MEFV: variants seen among roughly 807,000 people sequenced by gnomAD.
The protein encoded by MEFV is MEFV innate immunity regulator, pyrin, also known as pyrin.
Under a neutral mutation model 62.5 loss-of-function variants are expected in MEFV, and 60 were observed. The observed-to-expected ratio is 0.96, with a 90% CI of 0.78 to 1.19. The LOEUF (loss-of-function observed/expected upper bound fraction) is 1.19, where lower values mean the gene tolerates loss of function less well. Among genes scored for constraint, MEFV ranks in the 50% most tolerant of loss-of-function variants. The pLI is 0.00. For synonymous variants in MEFV, 500 were observed against 415.2 expected, an observed-to-expected ratio of 1.20 and a Z score of -2.48; for missense variants, 1,169 against 1,004.5, an observed-to-expected ratio of 1.16 and a Z score of -2.21.
At chr16:3,250,651 G>A (rs1959017732) in intron 2 of MEFV, among the ~76,000 whole-genome samples, 2 of 151,746 alleles carry the variant, frequency 1.3e-5, no homozygotes, top group South Asian at 4.2e-4. Flanking sequence ...TCATCATGAA[G>A]ACCTAACAGT....
intron 1 of MEFV, 125 bp from the exon 2 acceptor site, chr16:3,254,915 G>T: frequency 6.7e-7 from 1 of 1,496,240 alleles, no homozygotes; most frequent in African/African-American, 1.4e-5. Context: ...AACGGGCCGG[G>T]CGCGGTGGCT....
rs1385635153 is a variant in MEFV, at chr16:3,248,830, C to G, written c.1356+79G>C. ...ATCCCTGCTGCCCTGTGAACCACAG[C>G]AGAATCTCGGGGACCCCTGCTCACT... On this transcript the variant is annotated intron_variant, in intron 4 of 9. Transcript: ENST00000219596. The G allele has an allele frequency of 3.1e-6, 5 of 1,608,304 alleles. No homozygotes were observed. In the African/African-American group the frequency reaches 6.7e-5, roughly 21 times the overall value.
intron 1 of MEFV, among the ~76,000 whole-genome samples, chr16:3,255,359 C>A (rs1959101761): frequency 6.6e-6 from 1 of 152,092 alleles, no homozygotes; most frequent in Non-Finnish European, 1.5e-5. Context: ...CAATGGCAGT[C>A]AATTACCATT....
chr16:3,243,406 A>T lies in MEFV; in HGVS notation c.2081T>A (p.Met694Lys), dbSNP rs1596350022. The change falls in exon 10 of 10, where the codon ATG becomes AAG. Residue 694 changes from methionine (M) to lysine (K), a missense_variant. Transcript: ENST00000219596. ...GGACGCCTGGTACTCATTTTCCTTCATCATTATCACCACCCAGTAGCCATT... is the reference window on the plus strand; with the variant it reads ...GGACGCCTGGTACTCATTTTCCTTCTTCATTATCACCACCCAGTAGCCATT... Reference protein sequence around the residue: ...PENGYWVVIMMKENEYQASSV... With the variant: ...PENGYWVVIMKKENEYQASSV... 6.2e-7 allele frequency: 1 copy of T among 1,614,022 alleles called. No homozygotes were observed. The highest frequency in any genetic ancestry group is 8.5e-7 in the Non-Finnish European group (1 of 1,179,984).
At chr16:3,244,395 A>G (rs1408112900) in intron 7 of MEFV, 78 bp downstream of exon 7, 1 of 1,595,524 alleles carries the variant, frequency 6.3e-7, no homozygotes, top group Non-Finnish European at 8.6e-7. Flanking sequence ...AAGAGGAGGG[A>G]AGTGAGGGGC....
chr16:3,243,065 T>G lies in MEFV; in HGVS notation c.*76A>C. ...ATTTCCCATAGCAGCTAGCACCTAG[T>G]CGGCATTCCGTGACTATTGAGTGTG... On this transcript the variant is annotated 3_prime_UTR_variant, in exon 10 of 10. Transcript: ENST00000219596. 1 of 1,513,338 alleles carries G rather than the reference T, an allele frequency of 6.6e-7. No individual in the cohort carries two copies. The allele number at this position is 1,513,338 out of a possible 1,614,324, so 93.7% of individuals were successfully genotyped here.
intron 4 of MEFV, chr16:3,247,526 C>T (rs1958961251): frequency 2.1e-6 from 1 of 479,106 alleles, no homozygotes; most frequent in Non-Finnish European, 3.7e-6. Context: ...ACCCCCAGTA[C>T]TCAGCATGTG....
chr16:3,249,408 G>C, intron 3 of MEFV, 23 bp downstream of exon 3: 3 of 1,600,298 alleles, frequency 1.9e-6, no homozygotes, highest in Non-Finnish European at 8.5e-7. Context: ...GCAGAGAAGA[G>C]CCCACAGGCA....
chr16:3,248,255 T>C (rs931861391), intron 4 of MEFV, among the ~76,000 whole-genome samples: 7 of 151,132 alleles, frequency 4.6e-5, no homozygotes, highest in Non-Finnish European at 1.0e-4. Flanking sequence ...CGAGACTCCA[T>C]CTTGGAAACA....
rs763214197 is a variant in MEFV, at chr16:3,254,570, C to G, written c.498G>C (p.Ser166=). 1 of 1,574,788 alleles carries G rather than the reference C, an allele frequency of 6.4e-7. No homozygotes were observed. The highest frequency in any genetic ancestry group is 8.6e-7 in the Non-Finnish European group (1 of 1,164,072). The part of the protein sequence containing the change: ...KPLSKRREKA[S]EGLDAQGKPR... ...GCTTGCCCTGCGCGTCCAGGCCCTCCGAGGCCTTCTCTCTGCGTTTGCTCA... is the reference window on the plus strand; with the variant it reads ...GCTTGCCCTGCGCGTCCAGGCCCTCGGAGGCCTTCTCTCTGCGTTTGCTCA... Residue 166 remains serine (S), a synonymous_variant, in exon 2 of 10, where the codon TCG becomes TCC. Transcript: ENST00000219596.
intron 9 of MEFV, 50 bp downstream of exon 9, chr16:3,243,810 G>A: frequency 6.2e-7 from 1 of 1,608,852 alleles, no homozygotes; most frequent in Non-Finnish European, 8.5e-7. Context: ...GTAGGGGAGA[G>A]CACAGGGATC....
Position 3,247,144 on chromosome 16 carries a change from C to G in MEFV, c.1459G>C (p.Val487Leu), listed in dbSNP as rs104895100. The G allele has an allele frequency of 4.1e-4, 658 of 1,614,190 alleles. 3 individuals carry two copies. The African/African-American group carries it at 7.6e-3, about 19-fold the overall frequency. The change falls in exon 5 of 10, where the codon GTG becomes CTG. Residue 487 changes from valine (V) to leucine (L), a missense_variant. Physicochemically the swap from Val to Leu is conservative, Grantham distance 32. Coordinates refer to ENST00000219596, the MANE Select transcript of MEFV (RefSeq NM_000243.3). ...CTGATCTGCCCAACCATCTGGCCCACGTCCTCCAGTGAGGCCACAAAGAAA... is the reference window on the plus strand; with the variant it reads ...CTGATCTGCCCAACCATCTGGCCCAGGTCCTCCAGTGAGGCCACAAAGAAA... ...EHFFVASLED[V>L]GQMVGQIRKA...
chr16:3,249,695 G>A lies in MEFV; in HGVS notation c.996C>T (p.Cys332=), dbSNP rs1354407289. The A allele has an allele frequency of 1.2e-6, 2 of 1,613,562 alleles. No individual in the cohort carries two copies. The highest frequency in any genetic ancestry group is 1.1e-5 in the South Asian group (1 of 91,046). ...GCCCAGAAACTGCCTCGGGGAAGCT[G>A]CAGGAATCACGCACACAGGTACCGT... The part of the protein sequence containing the change: ...PVDGTCVRDS[C]SFPEAVSGHP... Residue 332 remains cysteine (C), a synonymous_variant, in exon 3 of 10, where the codon TGC becomes TGT. Coordinates refer to ENST00000219596, the MANE Select transcript of MEFV (RefSeq NM_000243.3).
intron 2 of MEFV, among the ~76,000 whole-genome samples, chr16:3,250,719 G>C (rs1959018560): frequency 6.6e-6 from 1 of 151,152 alleles, no homozygotes; most frequent in Admixed American, 6.6e-5. Flanking sequence ...CATGCCACGA[G>C]ATACAAGAAG....
At chr16:3,245,588 C>T (rs575852430) in intron 6 of MEFV, among the ~76,000 whole-genome samples, 23 of 151,568 alleles carry the variant, frequency 1.5e-4, no homozygotes, top group African/African-American at 5.6e-4. Context: ...GAGCCAAGAT[C>T]GCGCCACTGC....
intron 8 of MEFV, 178 bp downstream of exon 8, chr16:3,244,076 T>G: frequency 6.4e-7 from 1 of 1,551,342 alleles, no homozygotes; most frequent in Non-Finnish European, 8.7e-7. Context: ...GTCTAATGAG[T>G]CAACTCAGTC....
Position 3,249,587 on chromosome 16 carries a change from G to T in MEFV, c.1104C>A (p.Ser368Arg), listed in dbSNP as rs748777584. ...GCTTACACTGTGGCAGGGGCTGGGG[G>T]CTTAGGCTTCCCGGGCTCTTCCTTT... ...SHERKSPGSL[S>R]PQPLPQCKRH... The change falls in exon 3 of 10, where the codon AGC becomes AGA. Residue 368 changes from serine to arginine, a missense_variant. By Grantham distance (110) the Ser-to-Arg change is moderately radical (BLOSUM62 -1). Coordinates refer to ENST00000219596, the MANE Select transcript of MEFV (RefSeq NM_000243.3). 6.8e-6 allele frequency: 11 copies of T among 1,614,096 alleles called. No homozygotes were observed. The highest frequency in any genetic ancestry group is 1.3e-5 in the African/African-American group (1 of 74,948).
Position 3,244,245 on chromosome 16 carries a change from T to G in MEFV, c.1759+9A>C. On this transcript the variant is annotated intron_variant, in intron 8 of 9. Coordinates refer to ENST00000219596, the MANE Select transcript of MEFV (RefSeq NM_000243.3). ...CCAGGCCAGCACACACCATTACCGC[T>G]GGACTCACCATTGAACATTTCCATT... 1 of 1,614,006 alleles carries G rather than the reference T, an allele frequency of 6.2e-7. No homozygotes were observed. Among genetic ancestry groups the G allele is most frequent in the Non-Finnish European group, 8.5e-7 (1 of 1,179,984 alleles).
intron 1 of MEFV, 150 bp from the exon 2 acceptor site, chr16:3,254,940 C>T (rs1224718611): frequency 8.3e-6 from 11 of 1,328,538 alleles, no homozygotes; most frequent in African/African-American, 1.5e-5. Flanking sequence ...CCTGTATTCC[C>T]GGCACTCTGG....
Sources: gnomAD v4.1 joint callset for allele counts (sites outside exome capture counted in the v4.1 genomes callset) on GRCh38, gnomAD v4.1.1 for gene constraint, MANE v1.5 for transcripts, NCBI Gene and HGNC (gene_info 2026-07-23, HGNC 2026-07-21) for gene names.